PIK3AP1: variants seen among roughly 807,000 people sequenced by gnomAD.
PIK3AP1 encodes phosphoinositide 3-kinase adapter protein 1.
PIK3AP1 carries 21 observed loss-of-function variants against 88.1 expected under a neutral mutation model. The observed-to-expected ratio is 0.24, with a 90% CI of 0.17 to 0.34. PIK3AP1 has a LOEUF of 0.34. PIK3AP1 is among the 10% of genes least tolerant of loss of function. PIK3AP1 has a pLI of 1.00. For missense variants in PIK3AP1, 828 were observed against 1,035.7 expected (o/e 0.80, Z 2.75); for synonymous variants, 398 against 400.0 (o/e 1.00, Z 0.06).
intron 14 of PIK3AP1, among the ~76,000 whole-genome samples, chr10:96,608,294 T>C (rs1849037804): frequency 6.6e-6 from 1 of 152,226 alleles, no homozygotes; most frequent in East Asian, 1.9e-4. Flanking sequence ...GATAGCCACC[T>C]GTCCCTTGCT....
intron 14 of PIK3AP1, among the ~76,000 whole-genome samples, chr10:96,608,812 TGGG>T (rs1849049312): frequency 6.6e-6 from 1 of 152,272 alleles, no homozygotes. Context: ...ACATGCGTTA[TGGG>T]GTTCTCTGCC....
chr10:96,625,222 G>A (rs1054341100), intron 10 of PIK3AP1, among the ~76,000 whole-genome samples: 5 of 152,192 alleles, frequency 3.3e-5, no homozygotes, highest in Non-Finnish European at 7.3e-5. Flanking sequence ...CAGCAACTCC[G>A]TGTGTTAATT....
intron 14 of PIK3AP1, among the ~76,000 whole-genome samples, chr10:96,608,594 C>T (rs1383804295): frequency 6.6e-6 from 1 of 152,168 alleles, no homozygotes; most frequent in African/African-American, 2.4e-5. Context: ...ACAAATACCC[C>T]ATCTATAAAG....
intron 2 of PIK3AP1, among the ~76,000 whole-genome samples, chr10:96,683,286 CTG>C (rs1306776563): frequency 3.9e-5 from 6 of 152,204 alleles, no homozygotes; most frequent in African/African-American, 1.4e-4. Flanking sequence ...TGGCTTAAGA[CTG>C]TGAGAATAGG....
chr10:96,663,326 C>T (rs964564341), intron 2 of PIK3AP1, among the ~76,000 whole-genome samples: 9 of 151,696 alleles, frequency 5.9e-5, no homozygotes, highest in Admixed American at 1.3e-4. Context: ...TGAATTATAC[C>T]TCAACAAAGA....
intron 2 of PIK3AP1, among the ~76,000 whole-genome samples, chr10:96,685,510 A>G (rs1844056550): frequency 1.3e-5 from 2 of 152,180 alleles, no homozygotes; most frequent in Non-Finnish European, 2.9e-5. Context: ...AGGTGGTGGC[A>G]AGGAAAGAGG....
intron 1 of PIK3AP1, among the ~76,000 whole-genome samples, chr10:96,718,758 C>T (rs548698207): frequency 1.1e-4 from 17 of 152,236 alleles, no homozygotes; most frequent in Middle Eastern, 3.4e-3. Flanking sequence ...TCCCAGTTTG[C>T]GGTTTCCTGG....
chr10:96,695,961 CT>C (rs1448594271), intron 2 of PIK3AP1, among the ~76,000 whole-genome samples: 1 of 152,264 alleles, frequency 6.6e-6, no homozygotes, highest in East Asian at 1.9e-4. Flanking sequence ...GAGTAATTTT[CT>C]GTTTAGAAAC....
chr10:96,698,957 C>T (rs184202401), intron 2 of PIK3AP1, among the ~76,000 whole-genome samples: 5 of 152,190 alleles, frequency 3.3e-5, no homozygotes. Context: ...GTGGGTGGAT[C>T]ACCTGAGGTC....
chr10:96,642,425 CAAAAAA>C (rs34912752), intron 8 of PIK3AP1, among the ~76,000 whole-genome samples: 1 of 98,964 alleles, frequency 1.0e-5, no homozygotes, highest in Admixed American at 1.0e-4. Flanking sequence ...GATGTTGTCT[CAAAAAA>C]AAAAAAAAAA....
chr10:96,665,674 G>T (rs1410179952), intron 2 of PIK3AP1, among the ~76,000 whole-genome samples: 1 of 152,162 alleles, frequency 6.6e-6, no homozygotes, highest in Admixed American at 6.5e-5. Context: ...ACGTTATAAA[G>T]GGGGTCCTGC....
intron 14 of PIK3AP1, among the ~76,000 whole-genome samples, chr10:96,604,786 C>T (rs577382068): frequency 4.6e-5 from 7 of 152,192 alleles, no homozygotes; most frequent in Non-Finnish European, 1.0e-4. Flanking sequence ...ATGTATCACC[C>T]ATGCAGACAC....
chr10:96,719,526 T>G (rs1451905493), intron 1 of PIK3AP1, among the ~76,000 whole-genome samples: 2 of 152,194 alleles, frequency 1.3e-5, no homozygotes. Flanking sequence ...TACAGGACCA[T>G]AAACTCCTGG....
intron 2 of PIK3AP1, among the ~76,000 whole-genome samples, chr10:96,687,501 G>A (rs1292332894): frequency 6.6e-6 from 1 of 152,130 alleles, no homozygotes; most frequent in Non-Finnish European, 1.5e-5. Flanking sequence ...CAGCACTCCT[G>A]AGAGTGAATG....
At chr10:96,599,936 T>C (rs1848856438) in intron 16 of PIK3AP1, among the ~76,000 whole-genome samples, 1 of 152,214 alleles carries the variant, frequency 6.6e-6, no homozygotes, top group Non-Finnish European at 1.5e-5. Context: ...CTAGTTTCTA[T>C]CCTTTAATTT....
Position 96,688,199 on chromosome 10 carries a change from C to A in PIK3AP1, c.430+21368G>T, listed in dbSNP as rs549270120. Among the ~76,000 whole-genome samples the A allele has an allele frequency of 3.3e-5, 5 of 152,266 alleles. No homozygotes were observed. In the South Asian group the frequency reaches 8.3e-4, roughly 25 times the overall value. On this transcript the variant is annotated intron_variant, in intron 2 of 16. Transcript: ENST00000339364. ...GGCACTTCAGGGCCTTTTGCTCCTC[C>A]CAGCCAATGTCATTCCCCACCCAGG...
At chr10:96,616,466 T>C (rs1444203742) in intron 13 of PIK3AP1, among the ~76,000 whole-genome samples, 173 bp downstream of exon 13, 2 of 152,176 alleles carry the variant, frequency 1.3e-5, no homozygotes, top group African/African-American at 4.8e-5. Context: ...ATAAATAAGA[T>C]ATAACCATTG....
chr10:96,718,511 G>A (rs1322554115), intron 1 of PIK3AP1, among the ~76,000 whole-genome samples: 3 of 152,116 alleles, frequency 2.0e-5, no homozygotes, highest in South Asian at 2.1e-4. Context: ...GTGGTGTCTC[G>A]CCACAGAAGA....
intron 1 of PIK3AP1, among the ~76,000 whole-genome samples, chr10:96,711,299 G>A (rs762671540): frequency 1.3e-5 from 2 of 152,192 alleles, no homozygotes; most frequent in East Asian, 1.9e-4. Context: ...AATCTTACGA[G>A]TAGTAAGTCA....
Sources: allele counts gnomAD v4.1 joint callset (sites outside exome capture counted in the v4.1 genomes callset), GRCh38; gene constraint gnomAD v4.1.1; transcripts MANE v1.5; gene names NCBI Gene and HGNC (gene_info 2026-07-23, HGNC 2026-07-21).